The following TNNI3 variants were observed in gnomAD, a reference collection of about 807,000 sequenced individuals.
TNNI3 encodes the protein troponin I, cardiac muscle.
TNNI3 carries 23 observed loss-of-function variants against 31.5 expected under a neutral mutation model. The observed-to-expected ratio is 0.73, with a 90% CI of 0.52 to 1.03. The LOEUF is 1.03. Ranked by LOEUF, TNNI3 falls within the 50% of genes least tolerant of loss-of-function variation. TNNI3 has a pLI of 0.00. For synonymous variants in TNNI3, 120 were observed against 111.7 expected (o/e 1.07, Z -0.47); for missense variants, 236 against 282.9 (o/e 0.83, Z 1.19).
Position 55,152,009 on chromosome 19 carries a change from T to C in TNNI3, c.550-92A>G, listed in dbSNP as rs1568857140. 2.0e-5 allele frequency: 23 copies of C among 1,167,106 alleles called. No homozygotes were observed. Among genetic ancestry groups the C allele is most frequent in the Non-Finnish European group, 2.8e-5 (22 of 786,584 alleles). 72.3% of individuals were successfully genotyped at this position (1,167,106 alleles called of 1,614,324 possible). On this transcript the variant is annotated intron_variant, in intron 7 of 7. Coordinates refer to ENST00000344887, the MANE Select transcript of TNNI3 (RefSeq NM_000363.5). The surrounding 1 kb of genome is among the most constrained non-coding windows in gnomAD (Gnocchi z 4.0). ...TCTTCCCTCCAGCCTGTGGGGCCACTCTACCCTGGATGCCTAAGTATCTAG... is the reference window on the plus strand; with the variant it reads ...TCTTCCCTCCAGCCTGTGGGGCCACCCTACCCTGGATGCCTAAGTATCTAG...
intron 6 of TNNI3, 93 bp from the exon 7 acceptor site, chr19:55,154,299 G>T: frequency 1.5e-6 from 2 of 1,359,632 alleles, no homozygotes; most frequent in South Asian, 1.2e-5. Flanking sequence ...TCCTTATCTC[G>T]TCTTCCAGTA....
rs1340174531 is a variant in TNNI3, at chr19:55,156,703, G to A, written c.109-59C>T. 2 of 1,539,360 alleles carry A rather than the reference G, an allele frequency of 1.3e-6. No individual in the cohort carries two copies. The highest frequency in any genetic ancestry group is 1.4e-5 in the African/African-American group (1 of 72,694). On this transcript the variant is annotated intron_variant, in intron 3 of 7. Coordinates refer to ENST00000344887, the MANE Select transcript of TNNI3 (RefSeq NM_000363.5). This position sits in a 1 kb window ranked among gnomAD's most constrained non-coding sequence, Gnocchi z 4.6. ...GGAGGGGGATTCGGAGACGACGGTG[G>A]AGGGGACCTCAAGACACCCCCAGCA...
chr19:55,152,040 G>C lies in TNNI3; in HGVS notation c.550-123C>G, dbSNP rs1006701954. 4.1e-5 allele frequency: 35 copies of C among 846,584 alleles called. No individual in the cohort carries two copies. Among genetic ancestry groups the C allele is most frequent in the South Asian group, 2.7e-4 (19 of 70,420 alleles). The allele number at this position is 846,584 out of a possible 1,614,324, so 52.4% of individuals were successfully genotyped here. A position where few individuals can be genotyped will look rare whatever the true frequency, so the allele number is the denominator to read the frequency against. Reference sequence around the variant, plus strand: ...CTGGATGCCTAAGTATCTAGTTCTGGAGCACTTCCTGTCTTTTCAAGATAA... The same window carrying C: ...CTGGATGCCTAAGTATCTAGTTCTGCAGCACTTCCTGTCTTTTCAAGATAA... On this transcript the variant is annotated intron_variant, in intron 7 of 7. Coordinates refer to ENST00000344887, the MANE Select transcript of TNNI3 (RefSeq NM_000363.5). This position sits in a 1 kb window ranked among gnomAD's most constrained non-coding sequence, Gnocchi z 4.0.
chr19:55,156,349 G>A lies in TNNI3; in HGVS notation c.151-17C>T. 3 of 1,604,236 alleles carry A rather than the reference G, an allele frequency of 1.9e-6. No individual in the cohort carries two copies. The highest frequency in any genetic ancestry group is 2.6e-6 in the Non-Finnish European group (3 of 1,176,284). On this transcript the variant is annotated splice_polypyrimidine_tract_variant and intron_variant, in intron 4 of 7. Coordinates refer to ENST00000344887, the MANE Select transcript of TNNI3 (RefSeq NM_000363.5). This position sits in a 1 kb window ranked among gnomAD's most constrained non-coding sequence, Gnocchi z 4.6. ...CAGCAGAGTCTGCAGAGGGGTGGGA[G>A]GGAAGCGCAGCCCACCCGGGGCTTC...
intron 6 of TNNI3, 156 bp downstream of exon 6, chr19:55,154,585 T>G: frequency 1.4e-6 from 1 of 733,754 alleles, no homozygotes; most frequent in South Asian, 1.5e-5. Context: ...CTTGACTATA[T>G]TGTACTCATC....
Position 55,157,710 on chromosome 19 carries a change from G to T in TNNI3, c.-121C>A. The T allele has an allele frequency of 8.9e-7, 1 of 1,122,392 alleles. No homozygotes were observed. The highest frequency in any genetic ancestry group is 1.3e-6 in the Non-Finnish European group (1 of 749,208). 69.5% of individuals were successfully genotyped at this position (1,122,392 alleles called of 1,614,324 possible). On this transcript the variant is annotated 5_prime_UTR_variant, in exon 1 of 8. Coordinates refer to ENST00000344887, the MANE Select transcript of TNNI3 (RefSeq NM_000363.5). This position sits in a 1 kb window ranked among gnomAD's most constrained non-coding sequence, Gnocchi z 6.3. ...AGGGACCGTCAGTCTCCTCCGGGCT[G>T]CTTGAGACTCCCCGAGGACACTGAG...
rs2085731654 is a variant in TNNI3 at position 55,156,523 on chromosome 19, C to G, written c.150+80G>C. The G allele has an allele frequency of 1.2e-5, 18 of 1,538,080 alleles. No individual in the cohort carries two copies. Among genetic ancestry groups the G allele is most frequent in the Non-Finnish European group, 1.6e-5 (18 of 1,136,552 alleles). On this transcript the variant is annotated intron_variant, in intron 4 of 7. Coordinates refer to ENST00000344887, the MANE Select transcript of TNNI3 (RefSeq NM_000363.5). This position sits in a 1 kb window ranked among gnomAD's most constrained non-coding sequence, Gnocchi z 4.6. ...CCAAACCCCGCCCACTTCCGCCCACCTACCCCGAAAGCCCCACCCATTCTC... is the reference window on the plus strand; with the variant it reads ...CCAAACCCCGCCCACTTCCGCCCACGTACCCCGAAAGCCCCACCCATTCTC...
Position 55,151,927 on chromosome 19 carries a change from G to A in TNNI3, c.550-10C>T, listed in dbSNP as rs201240150. 579 of 1,613,752 alleles carry A rather than the reference G, an allele frequency of 3.6e-4. 1 individual carries two copies. The African/African-American group carries it at 6.4e-3, about 18-fold the overall frequency. On this transcript the variant is annotated splice_polypyrimidine_tract_variant and intron_variant, in intron 7 of 7. Coordinates refer to ENST00000344887, the MANE Select transcript of TNNI3 (RefSeq NM_000363.5). ...CCACCTCCCGGTTTTCCTGGAGGATGGCGATGAGTCAGAGGTTAGGGTCTC... is the reference window on the plus strand; with the variant it reads ...CCACCTCCCGGTTTTCCTGGAGGATAGCGATGAGTCAGAGGTTAGGGTCTC...
rs950631275 is a variant in TNNI3, at chr19:55,154,914, G to C, written c.283-84C>G. ...CCTGGGTCTGAGGGAGAAGGGGCTC[G>C]GGGCCTGGACTCCTGGGTCTGAGGG... is the stretch of plus-strand genomic sequence containing the variant. On this transcript the variant is annotated intron_variant, in intron 5 of 7. Coordinates refer to ENST00000344887, the MANE Select transcript of TNNI3 (RefSeq NM_000363.5). The C allele has an allele frequency of 2.3e-5, 28 of 1,216,914 alleles. No individual in the cohort carries two copies. In the African/African-American group the frequency reaches 4.0e-4, roughly 18 times the overall value. The allele number at this position is 1,216,914 out of a possible 1,614,324, so 75.4% of individuals were successfully genotyped here.
At chr19:55,153,833 T>C (rs2085709884) in intron 7 of TNNI3, among the ~76,000 whole-genome samples, 197 bp downstream of exon 7, 2 of 1,300 alleles carry the variant, frequency 1.5e-3, no homozygotes, top group African/African-American at 2.5e-3. Context: ...TCTTTGCTCT[T>C]ACATGGACTT....
rs368708903 is a variant in TNNI3 at position 55,157,277 on chromosome 19, C to T, written c.24+19G>A. The T allele has an allele frequency of 4.3e-6, 7 of 1,612,308 alleles. No individual in the cohort carries two copies. In the African/African-American group the frequency reaches 8.0e-5, roughly 18 times the overall value. ...CTGGCCCTGGGGGTCCCAGCCACGCCTTAGCCCGCTGCTCTCACCGCATCG... is the reference window on the plus strand; with the variant it reads ...CTGGCCCTGGGGGTCCCAGCCACGCTTTAGCCCGCTGCTCTCACCGCATCG... On this transcript the variant is annotated intron_variant, in intron 2 of 7. Transcript: ENST00000344887. This position sits in a 1 kb window ranked among gnomAD's most constrained non-coding sequence, Gnocchi z 6.3.
Position 55,154,102 on chromosome 19 carries a change from C to A in TNNI3, c.477G>T (p.Leu159=). The change falls in exon 7 of 8, where the codon CTG becomes CTT. Residue 159 remains leucine (L), a synonymous_variant. Coordinates refer to ENST00000344887, the MANE Select transcript of TNNI3 (RefSeq NM_000363.5). ...CCAGGGACTCCTTAGCCCGGGCCCC[C>A]AGCAGCGCCTGCATCATGGCATCTG... ...ISADAMMQAL[L]GARAKESLDL... The A allele has an allele frequency of 6.2e-7, 1 of 1,613,268 alleles. No individual in the cohort carries two copies. Among genetic ancestry groups the A allele is most frequent in the Non-Finnish European group, 8.5e-7 (1 of 1,180,016 alleles).
In TNNI3 at chr19:55,156,812, A is replaced by C; in HGVS notation, c.109-168T>G. 1.1e-6 allele frequency: 1 copy of C among 874,270 alleles called. No homozygotes were observed. Among genetic ancestry groups the C allele is most frequent in the Non-Finnish European group, 1.8e-6 (1 of 542,180 alleles). The allele number at this position is 874,270 out of a possible 1,614,324, so 54.2% of individuals were successfully genotyped here. On this transcript the variant is annotated intron_variant, in intron 3 of 7. Transcript: ENST00000344887. This position sits in a 1 kb window ranked among gnomAD's most constrained non-coding sequence, Gnocchi z 4.6. Reference sequence around the variant, plus strand: ...CCACGCCCCTCATTCCCATCCACCAATCTGGGTCTCTTCCTTTGGATAGGC... The same window carrying C: ...CCACGCCCCTCATTCCCATCCACCACTCTGGGTCTCTTCCTTTGGATAGGC...
Position 55,156,925 on chromosome 19 carries a change from A to G in TNNI3, c.108+125T>C, listed in dbSNP as rs1275935416. 11 of 1,165,158 alleles carry G rather than the reference A, an allele frequency of 9.4e-6. No individual in the cohort carries two copies. The highest frequency in any genetic ancestry group is 1.4e-5 in the Non-Finnish European group (11 of 810,098). 72.2% of individuals were successfully genotyped at this position (1,165,158 alleles called of 1,614,324 possible). A position where few individuals can be genotyped will look rare whatever the true frequency, so the allele number is the denominator to read the frequency against. The stretch of plus-strand genomic sequence containing the variant: ...CCAATCCGAGCATGACCCTCTGCAA[A>G]ACTCCGCCCCTGAAGCCCCTCCGCG... On this transcript the variant is annotated intron_variant, in intron 3 of 7. Transcript: ENST00000344887. This position sits in a 1 kb window ranked among gnomAD's most constrained non-coding sequence, Gnocchi z 4.6.
Position 55,152,002 on chromosome 19 carries a change from G to A in TNNI3, c.550-85C>T. The A allele has an allele frequency of 8.0e-7, 1 of 1,257,430 alleles. No individual in the cohort carries two copies. The highest frequency in any genetic ancestry group is 1.2e-6 in the Non-Finnish European group (1 of 866,050). The allele number at this position is 1,257,430 out of a possible 1,614,324, so 77.9% of individuals were successfully genotyped here. A position where few individuals can be genotyped will look rare whatever the true frequency, so the allele number is the denominator to read the frequency against. On this transcript the variant is annotated intron_variant, in intron 7 of 7. Transcript: ENST00000344887. This position sits in a 1 kb window ranked among gnomAD's most constrained non-coding sequence, Gnocchi z 4.0. ...ATCCCTGTCTTCCCTCCAGCCTGTG[G>A]GGCCACTCTACCCTGGATGCCTAAG...
Position 55,156,342 on chromosome 19 carries a change from G to A in TNNI3, c.151-10C>T, listed in dbSNP as rs2085729806. On this transcript the variant is annotated splice_polypyrimidine_tract_variant and intron_variant, in intron 4 of 7. Transcript: ENST00000344887. This position sits in a 1 kb window ranked among gnomAD's most constrained non-coding sequence, Gnocchi z 4.6. Reference sequence around the variant, plus strand: ...TCTGCAGCAGCAGAGTCTGCAGAGGGGTGGGAGGGAAGCGCAGCCCACCCG... The same window carrying A: ...TCTGCAGCAGCAGAGTCTGCAGAGGAGTGGGAGGGAAGCGCAGCCCACCCG... The A allele has an allele frequency of 1.2e-6, 2 of 1,606,470 alleles. No homozygotes were observed. Among genetic ancestry groups the A allele is most frequent in the Non-Finnish European group, 1.7e-6 (2 of 1,177,272 alleles).
Position 55,157,474 on chromosome 19 carries a change from C to G in TNNI3, c.11+105G>C. On this transcript the variant is annotated intron_variant, in intron 1 of 7. Transcript: ENST00000344887. The surrounding 1 kb of genome is among the most constrained non-coding windows in gnomAD (Gnocchi z 6.3). ...CCACTTCCTCTCTTCACCCAAGAGT[C>G]CCTACGCCTACCTCGCAGGCCAAGG... The G allele has an allele frequency of 6.3e-7, 1 of 1,580,724 alleles. No homozygotes were observed. Among genetic ancestry groups the G allele is most frequent in the Non-Finnish European group, 8.7e-7 (1 of 1,154,190 alleles).
rs2085732683 is a variant in TNNI3 at position 55,156,631 on chromosome 19, A to T, written c.122T>A (p.Ile41Asn). 6.4e-7 allele frequency: 1 copy of T among 1,564,998 alleles called. No homozygotes were observed. Among genetic ancestry groups the T allele is most frequent in the Non-Finnish European group, 8.7e-7 (1 of 1,153,332 alleles). Residue 41 changes from isoleucine to asparagine, a missense_variant, in exon 4 of 8, where the codon ATC (isoleucine) becomes AAC (asparagine). By Grantham distance (149) the Ile-to-Asn change is moderately radical. This residue lies in a region of TNNI3 where 172 missense variants were observed against 171.8 expected (regional missense o/e 1.00). Transcript: ENST00000344887. This position sits in a 1 kb window ranked among gnomAD's most constrained non-coding sequence, Gnocchi z 4.6. ...TEPHAKKKSKISASRKLQLKT... is the reference protein window; with the variant it reads ...TEPHAKKKSKNSASRKLQLKT... ...CAGCTGCAATTTTCTCGAGGCGGAGATCTTAGATTTTTTCTGCCAGGGTGA... is the reference window on the plus strand; with the variant it reads ...CAGCTGCAATTTTCTCGAGGCGGAGTTCTTAGATTTTTTCTGCCAGGGTGA...
chr19:55,156,966 T>A lies in TNNI3; in HGVS notation c.108+84A>T, dbSNP rs2085736419. On this transcript the variant is annotated intron_variant, in intron 3 of 7. Coordinates refer to ENST00000344887, the MANE Select transcript of TNNI3 (RefSeq NM_000363.5). The surrounding 1 kb of genome is among the most constrained non-coding windows in gnomAD (Gnocchi z 4.6). ...CCCCTCCGCGTAGTCCCCGCCCCCT[T>A]CGCAGCCCTGGCTCCTCCCCCCACT... is the stretch of plus-strand genomic sequence containing the variant. 8 of 1,442,518 alleles carry A rather than the reference T, an allele frequency of 5.5e-6. No individual in the cohort carries two copies. Among genetic ancestry groups the A allele is most frequent in the Non-Finnish European group, 7.5e-6 (8 of 1,060,912 alleles). 89.4% of individuals were successfully genotyped at this position (1,442,518 alleles called of 1,614,324 possible).
Sources: gnomAD v4.1 joint callset for allele counts (sites outside exome capture counted in the v4.1 genomes callset) on GRCh38, gnomAD v4.1.1 for gene constraint, gnomAD v4.1.1 regional missense constraint, Gnocchi (gnomAD v3.1) non-coding constraint, MANE v1.5 for transcripts, NCBI Gene and HGNC (gene_info 2026-07-23, HGNC 2026-07-21) for gene names.